GNL3L: variants seen among roughly 807,000 people sequenced by gnomAD.
GNL3L encodes G protein nucleolar 3 like.
In GNL3L, 4 loss-of-function variants were observed where a neutral mutation model predicts 42.9. The ratio of observed to expected loss-of-function variants is 0.09; its 90% CI spans 0.05 to 0.21. GNL3L has a LOEUF of 0.21. GNL3L is among the 10% of genes least tolerant of loss of function. The pLI, the probability that GNL3L is intolerant of heterozygous loss-of-function variation, is 1.00. For synonymous variants in GNL3L, 159 were observed against 176.3 expected (o/e 0.90, Z 0.78); for missense variants, 412 against 481.7 (o/e 0.86, Z 1.36).
Position 54,533,367 on chromosome X carries a change from C to CA in GNL3L, c.19+796dup, listed in dbSNP as rs771261021. Among the ~76,000 whole-genome samples, 533 of 59,432 alleles carry CA rather than the reference C, an allele frequency of 9.0e-3. 4 individuals are homozygous for CA. Among genetic ancestry groups the CA allele is most frequent in the African/African-American group, 0.028 (448 of 15,989 alleles). 51.6% of individuals were successfully genotyped at this position (59,432 alleles called of 115,157 possible). A position where few individuals can be genotyped will look rare whatever the true frequency, so the allele number is the denominator to read the frequency against. ...TGGGCGACAGAGTGAGACGCTGTCT[C>CA]AAAAAAAAAAAAAAGGAATAAAACA... On this transcript the variant is annotated intron_variant, in intron 2 of 15. Transcript: ENST00000360845.
chrX:54,604,517 A>G (rs1403000514), intron 16 of GNL3L, among the ~76,000 whole-genome samples: 2 of 111,171 alleles, frequency 1.8e-5, no homozygotes, highest in Non-Finnish European at 3.8e-5. Context: ...GCAAAGGTCT[A>G]GGGAAAGAGC....
At chrX:54,546,083 A>C (rs1303621621) in intron 8 of GNL3L, among the ~76,000 whole-genome samples, 1 of 111,040 alleles carries the variant, frequency 9.0e-6, no homozygotes, top group Admixed American at 9.6e-5. Context: ...CTGGTCTTGA[A>C]CTCCTGGCCT....
intron 16 of GNL3L, among the ~76,000 whole-genome samples, chrX:54,587,042 A>G (rs1231589551): frequency 1.8e-5 from 2 of 111,627 alleles, no homozygotes; most frequent in African/African-American, 6.5e-5. Context: ...TTCGATTGCT[A>G]TCACCCATGC....
intron 16 of GNL3L, among the ~76,000 whole-genome samples, chrX:54,591,168 G>GT (rs893053944): frequency 9.0e-5 from 10 of 111,302 alleles, no homozygotes; most frequent in Non-Finnish European, 1.5e-4. Flanking sequence ...ATTTTGATTT[G>GT]TTTTTTGTAT....
At chrX:54,579,982 G>GTTTTT (rs1158646056) in intron 16 of GNL3L, among the ~76,000 whole-genome samples, 2 of 54,820 alleles carry the variant, frequency 3.6e-5, no homozygotes, top group African/African-American at 3.3e-4. Context: ...CTGGCCTAAA[G>GTTTTT]TTTGTTTTTT....
chrX:54,564,109 C>G lies in GNL3L; in HGVS notation c.*3507C>G, dbSNP rs753632243. Among the ~76,000 whole-genome samples the G allele has an allele frequency of 9.7e-4, 107 of 110,643 alleles. No individual in the cohort carries two copies. Among genetic ancestry groups the G allele is most frequent in the Middle Eastern group, 4.6e-3 (1 of 216 alleles). ...CTAACCACTGATTTGTTTTCTGCCC[C>G]TATAGTTTTGCTTTAGTATGACTGT... On this transcript the variant is annotated 3_prime_UTR_variant, in exon 16 of 16. Transcript: ENST00000360845.
At chrX:54,542,927 G>A (rs1305353281) in intron 5 of GNL3L, 28 bp from the exon 6 acceptor site, 1 of 983,309 alleles carries the variant, frequency 1.0e-6, no homozygotes, top group Non-Finnish European at 1.5e-6. Context: ...TCCTCCCCTG[G>A]ACCATTCTCT....
At chrX:54,596,122 C>G (rs973623792) in intron 16 of GNL3L, among the ~76,000 whole-genome samples, 3 of 111,779 alleles carry the variant, frequency 2.7e-5, no homozygotes, top group African/African-American at 9.8e-5. Context: ...GGCCTTCATA[C>G]TTGTATATGT....
intron 2 of GNL3L, among the ~76,000 whole-genome samples, chrX:54,535,209 C>A (rs1215926667): frequency 9.0e-6 from 1 of 111,635 alleles, no homozygotes; most frequent in African/African-American, 3.3e-5. Context: ...ACCTCCGCCT[C>A]CTGGGTTCAA....
intron 5 of GNL3L, among the ~76,000 whole-genome samples, chrX:54,542,065 C>T (rs531662597): frequency 1.8e-5 from 2 of 111,976 alleles, no homozygotes; most frequent in African/African-American, 3.2e-5. Context: ...GTCAAAGCTA[C>T]TTTTTGGTGG....
chrX:54,569,731 T>C (rs1217357290), downstream of GNL3L, among the ~76,000 whole-genome samples: 1 of 111,995 alleles, frequency 8.9e-6, no homozygotes, highest in African/African-American at 3.2e-5. Flanking sequence ...ATTGATTTTC[T>C]CTGTTTTCTG....
At chrX:54,587,917 G>A (rs185176383) in intron 16 of GNL3L, among the ~76,000 whole-genome samples, 12 of 111,714 alleles carry the variant, frequency 1.1e-4, no homozygotes, top group South Asian at 3.8e-4. Context: ...CTGACCTCAG[G>A]TGATCCTTCT....
chrX:54,578,631 A>G (rs1327778221), intron 16 of GNL3L, among the ~76,000 whole-genome samples: 1 of 112,354 alleles, frequency 8.9e-6, no homozygotes, highest in East Asian at 2.8e-4. Context: ...ATTTTGTTGC[A>G]TGTATCATAG....
Position 54,619,276 on chromosome X carries a change from A to G in GNL3L, c.*46-1569A>G, listed in dbSNP as rs1355121331. 2.7e-5 allele frequency among the ~76,000 whole-genome samples: 3 copies of G among 111,601 alleles called. No individual in the cohort carries two copies. In the East Asian group the frequency reaches 8.4e-4, roughly 31 times the overall value. ...AAGTAATGGTATATACAATATATAC[A>G]TAAAAGATTACTAAGCTGCTTTTAA... On this transcript the variant is annotated intron_variant, in intron 16 of 16. Coordinates refer to the GNL3L transcript ENST00000674498.
At chrX:54,611,122 CT>C (rs2147534268) in intron 16 of GNL3L, among the ~76,000 whole-genome samples, 1 of 111,020 alleles carries the variant, frequency 9.0e-6, no homozygotes, top group Admixed American at 9.6e-5. Flanking sequence ...AGGTTTTCTA[CT>C]TTATTTGCAT....
In GNL3L at chrX:54,563,042, A is replaced by G. The variant is rs1265064463; in HGVS notation, c.*2440A>G. Reference sequence around the variant, plus strand: ...TTAAAAAACTCTAGTTTCTTAAACTACTAGTTTTTAGTGTCTTGCTAAAAC... The same window carrying G: ...TTAAAAAACTCTAGTTTCTTAAACTGCTAGTTTTTAGTGTCTTGCTAAAAC... On this transcript the variant is annotated 3_prime_UTR_variant, in exon 16 of 16. Transcript: ENST00000360845. Among the ~76,000 whole-genome samples, 1 of 111,833 alleles carries G rather than the reference A, an allele frequency of 8.9e-6. No homozygotes were observed. The highest frequency in any genetic ancestry group is 1.9e-5 in the Non-Finnish European group (1 of 53,253).
intron 16 of GNL3L, among the ~76,000 whole-genome samples, chrX:54,591,075 C>G (rs765510310): frequency 2.7e-5 from 3 of 111,037 alleles, no homozygotes; most frequent in Admixed American, 1.9e-4. Flanking sequence ...AGGTAATCCA[C>G]CTGCCTCTGC....
At chrX:54,536,569 G>T (rs999655004) in intron 2 of GNL3L, among the ~76,000 whole-genome samples, 2 of 109,833 alleles carry the variant, frequency 1.8e-5, no homozygotes, top group Non-Finnish European at 3.8e-5. Context: ...CCAATGACTT[G>T]AGGCCAGGAG....
chrX:54,585,191 C>G (rs773324295), intron 16 of GNL3L, among the ~76,000 whole-genome samples: 1 of 112,332 alleles, frequency 8.9e-6, no homozygotes, highest in South Asian at 3.7e-4. Context: ...AATTTTTCAT[C>G]TATGTTCATT....
Sources: gnomAD v4.1 joint callset for allele counts (sites outside exome capture counted in the v4.1 genomes callset) on GRCh38, gnomAD v4.1.1 for gene constraint, MANE v1.5 for transcripts, NCBI Gene and HGNC (gene_info 2026-07-23, HGNC 2026-07-21) for gene names.